Variants in COX6C observed in about 807,000 individuals in gnomAD.
COX6C encodes the protein cytochrome c oxidase subunit 6C, also known as cytochrome c oxidase polypeptide VIc.
In COX6C, 3 loss-of-function variants were observed where a neutral mutation model predicts 6.9. The observed-to-expected ratio is 0.43, with a 90% CI of 0.20 to 1.12. The LOEUF is 1.12. Ranked by LOEUF, COX6C falls within the 50% of genes most tolerant of loss-of-function variation. The pLI, the probability that COX6C is intolerant of heterozygous loss-of-function variation, is 0.27. For missense variants in COX6C, 101 were observed against 97.3 expected, an observed-to-expected ratio of 1.04 and a Z score of -0.16; for synonymous variants, 32 against 32.0, an observed-to-expected ratio of 1.00 and a Z score of 0.00.
chr8:99,884,253 A>G (rs1329457888), intron 3 of COX6C, among the ~76,000 whole-genome samples: 1 of 152,200 alleles, frequency 6.6e-6, no homozygotes. Context: ...TTTCTAACAC[A>G]CAAGTGTCAG....
intron 3 of COX6C, chr8:99,886,389 A>C (rs1817943425): frequency 1.3e-5 from 2 of 151,638 alleles, no homozygotes. Flanking sequence ...GACCCTGTTA[A>C]AAAAAAAATT....
chr8:99,888,027 G>C (rs1400116832), intron 2 of COX6C, among the ~76,000 whole-genome samples: 1 of 148,976 alleles, frequency 6.7e-6, no homozygotes, highest in African/African-American at 2.5e-5. Context: ...GGAGACGGAG[G>C]TTGCAGTGAG....
Position 99,891,908 on chromosome 8 carries a change from C to G in COX6C, c.114G>C (p.Lys38Asn), listed in dbSNP as rs1283221578. 6.2e-7 allele frequency: 1 copy of G among 1,613,688 alleles called. No individual in the cohort carries two copies. Among genetic ancestry groups the G allele is most frequent in the Admixed American group, 1.7e-5 (1 of 60,006 alleles). ...VLSLGVAALY[K>N]FRVADQRKKA... The stretch of plus-strand genomic sequence containing the variant: ...GGCACAAAGTAAAAAACATACATAC[C>G]TTATACAAAGCTGCAACCCCCAGGG... Residue 38 changes from lysine to asparagine, a missense_variant and splice_region_variant, in exon 2 of 4, where the codon AAG becomes AAC. Lys to Asn is a moderately conservative substitution (Grantham distance 94, BLOSUM62 0). Coordinates refer to ENST00000520468, the MANE Select transcript of COX6C (RefSeq NM_004374.4).
At chr8:99,890,862 A>G (rs1818022620) in intron 2 of COX6C, among the ~76,000 whole-genome samples, 1 of 152,246 alleles carries the variant, frequency 6.6e-6, no homozygotes, top group Admixed American at 6.5e-5. Flanking sequence ...CAAGGTGTCA[A>G]ACAGAACTAT....
At chr8:99,878,735 G>T (rs140206084) in intron 3 of COX6C, 7 of 152,158 alleles carry the variant, frequency 4.6e-5, no homozygotes, top group African/African-American at 1.7e-4. Flanking sequence ...AACATCTTCT[G>T]ATTATAAAAT....
intron 2 of COX6C, among the ~76,000 whole-genome samples, chr8:99,887,964 G>T (rs955834238): frequency 6.6e-6 from 1 of 151,418 alleles, no homozygotes; most frequent in Non-Finnish European, 1.5e-5. Flanking sequence ...ATGGGGTCTC[G>T]CCTGTAGTCC....
intron 1 of COX6C, among the ~76,000 whole-genome samples, chr8:99,892,597 T>C (rs986903343): frequency 2.6e-5 from 4 of 152,268 alleles, no homozygotes; most frequent in African/African-American, 9.6e-5. Context: ...TACATTTTAC[T>C]ACCTAGAGAG....
intron 3 of COX6C, chr8:99,878,720 C>G (rs913493323): frequency 1.3e-5 from 2 of 152,062 alleles, no homozygotes; most frequent in Non-Finnish European, 2.9e-5. Context: ...TTAAATTAGC[C>G]TATTAACATC....
At chr8:99,884,270 T>G (rs1257218903) in intron 3 of COX6C, among the ~76,000 whole-genome samples, 1 of 152,146 alleles carries the variant, frequency 6.6e-6, no homozygotes, top group Non-Finnish European at 1.5e-5. Flanking sequence ...TCAGAATACA[T>G]GAATTCTACT....
chr8:99,887,634 C>T lies in COX6C; in HGVS notation c.115-16G>A, dbSNP rs921854077. ...CCACACGAAACTAAAAAGCAACCAT[C>T]CATTAGAGTTTATTTTTCAGATTAC... On this transcript the variant is annotated splice_polypyrimidine_tract_variant and intron_variant, in intron 2 of 3. Coordinates refer to ENST00000520468, the MANE Select transcript of COX6C (RefSeq NM_004374.4). The T allele has an allele frequency of 1.3e-6, 2 of 1,523,024 alleles. No homozygotes were observed. Among genetic ancestry groups the T allele is most frequent in the Non-Finnish European group, 1.8e-6 (2 of 1,119,534 alleles). The allele number at this position is 1,523,024 out of a possible 1,614,324, so 94.3% of individuals were successfully genotyped here. A position where few individuals can be genotyped will look rare whatever the true frequency, so the allele number is the denominator to read the frequency against.
At position 99,888,310 on chromosome 8, in the gene COX6C, T is replaced by C. The variant is rs537507283; in HGVS notation, c.115-692A>G. 3.3e-5 allele frequency among the ~76,000 whole-genome samples: 5 copies of C among 152,148 alleles called. No homozygotes were observed. The East Asian group carries it at 5.8e-4, about 18-fold the overall frequency. The stretch of plus-strand genomic sequence containing the variant: ...GGCAGAGGTCGGGCGTGGTGGCTCA[T>C]GCCTACAATCCCAGCACTTTGGGAG... On this transcript the variant is annotated intron_variant, in intron 2 of 3. Coordinates refer to ENST00000520468, the MANE Select transcript of COX6C (RefSeq NM_004374.4).
intron 1 of COX6C, chr8:99,893,112 G>C (rs1818081293): frequency 6.6e-6 from 1 of 152,242 alleles, no homozygotes; most frequent in Non-Finnish European, 1.5e-5. Context: ...GGAGGTTGCA[G>C]GAAGCCCATC....
At chr8:99,880,527 CT>C (rs1338303072) in intron 3 of COX6C, among the ~76,000 whole-genome samples, 1 of 152,004 alleles carries the variant, frequency 6.6e-6, no homozygotes, top group Non-Finnish European at 1.5e-5. Flanking sequence ...TAACAGCAGA[CT>C]CAGGCAGAGG....
At chr8:99,882,471 T>C (rs1027480301) in intron 3 of COX6C, among the ~76,000 whole-genome samples, 13 of 152,098 alleles carry the variant, frequency 8.5e-5, no homozygotes, top group African/African-American at 2.4e-4. Flanking sequence ...CTCTTAACAA[T>C]CAATAAATTA....
intron 3 of COX6C, chr8:99,886,080 T>C (rs1817939036): frequency 6.6e-6 from 1 of 152,216 alleles, no homozygotes; most frequent in South Asian, 2.1e-4. Flanking sequence ...CCTATTAGGA[T>C]GGCTACTATC....
chr8:99,889,058 T>C (rs1817991700), intron 2 of COX6C, among the ~76,000 whole-genome samples: 1 of 152,194 alleles, frequency 6.6e-6, no homozygotes, highest in Non-Finnish European at 1.5e-5. Context: ...ATGTGCCTAA[T>C]TCCTCCTGGT....
At chr8:99,889,853 G>C (rs1419446842) in intron 2 of COX6C, among the ~76,000 whole-genome samples, 1 of 151,758 alleles carries the variant, frequency 6.6e-6, no homozygotes, top group Non-Finnish European at 1.5e-5. Flanking sequence ...CACTTTGGGA[G>C]GCCGAGGCGG....
At chr8:99,880,597 C>A (rs186250388) in intron 3 of COX6C, among the ~76,000 whole-genome samples, 70 of 151,976 alleles carry the variant, frequency 4.6e-4, no homozygotes, top group Non-Finnish European at 7.6e-4. Flanking sequence ...AAGAGCAGGC[C>A]GGACATGGTG....
At position 99,887,441 on chromosome 8, in the gene COX6C, TACC is replaced by T. The variant is rs972928231; in HGVS notation, c.*15+46_*15+48del. ...GGGACAGTCACCTGTATTTGCATTT[TACC>T]ACAATTAGAAATTTTTTTTTAAGTA... On this transcript the variant is annotated intron_variant, in intron 3 of 3. Transcript: ENST00000520468. 1.8e-5 allele frequency: 20 copies of T among 1,135,082 alleles called. No homozygotes were observed. The African/African-American group carries it at 2.1e-4, about 12-fold the overall frequency. 70.3% of individuals were successfully genotyped at this position (1,135,082 alleles called of 1,614,324 possible).
Sources: gnomAD v4.1 joint callset for allele counts (sites outside exome capture counted in the v4.1 genomes callset) on GRCh38, gnomAD v4.1.1 for gene constraint, MANE v1.5 for transcripts, NCBI Gene and HGNC (gene_info 2026-07-23, HGNC 2026-07-21) for gene names.